PTPRC: variants seen among roughly 807,000 people sequenced by gnomAD.
PTPRC encodes the protein receptor-type tyrosine-protein phosphatase C.
PTPRC carries 44 observed loss-of-function variants against 155.9 expected under a neutral mutation model. The ratio of observed to expected loss-of-function variants is 0.28; its 90% confidence interval spans 0.22 to 0.36. The LOEUF is 0.36. Among genes scored for constraint, PTPRC ranks in the 10% least tolerant of loss-of-function variants. PTPRC has a pLI of 1.00. For missense variants in PTPRC, 1,401 were observed against 1,564.6 expected (o/e 0.90, Z 1.76); for synonymous variants, 525 against 533.1 (o/e 0.98, Z 0.21).
chr1:198,717,133 C>T (rs2102441257), intron 13 of PTPRC, among the ~76,000 whole-genome samples: 1 of 152,324 alleles, frequency 6.6e-6, no homozygotes, highest in Non-Finnish European at 1.5e-5. Context: ...TAGATTAAAA[C>T]ATTCACTGTT....
chr1:198,642,370 G>GTCTATCTATCTATCTA (rs369299301), intron 2 of PTPRC, among the ~76,000 whole-genome samples: 23,664 of 150,270 alleles, frequency 0.16, 2,067 homozygotes, highest in Middle Eastern at 0.21. Flanking sequence ...CTATCTATCT[G>GTCTATCTATCTATCTA]TCTATCTATC....
chr1:198,742,534 A>G (rs1435728031), intron 25 of PTPRC, among the ~76,000 whole-genome samples, 167 bp downstream of exon 25: 1 of 151,872 alleles, frequency 6.6e-6, no homozygotes. Context: ...ACTTAGAAGC[A>G]TTTTTCATTA....
At chr1:198,643,504 G>A (rs952310144) in intron 2 of PTPRC, among the ~76,000 whole-genome samples, 5 of 151,784 alleles carry the variant, frequency 3.3e-5, no homozygotes, top group East Asian at 1.9e-4. Context: ...AGTTGATTTT[G>A]GATCTAGATG....
At chr1:198,697,946 C>T (rs1235766146) in intron 4 of PTPRC, among the ~76,000 whole-genome samples, 1 of 152,132 alleles carries the variant, frequency 6.6e-6, no homozygotes, top group Non-Finnish European at 1.5e-5. Context: ...TCCCTGTCAC[C>T]ATAGCAGAGT....
chr1:198,659,119 A>T (rs886560831), intron 2 of PTPRC, among the ~76,000 whole-genome samples: 2 of 152,122 alleles, frequency 1.3e-5, no homozygotes, highest in Non-Finnish European at 2.9e-5. Context: ...AAGAGAATAT[A>T]CTTTTTTTAA....
At chr1:198,694,406 A>G (rs1666094655) in intron 3 of PTPRC, 10 of 1,114,860 alleles carry the variant, frequency 9.0e-6, no homozygotes, top group Non-Finnish European at 8.0e-6. Flanking sequence ...TCACAGGCAC[A>G]CCCAGGAACA....
At position 198,639,142 on chromosome 1, in the gene PTPRC, G is replaced by A; in HGVS notation, c.-44+5G>A. ...CTGATAAGACAACAGTGGAGAGTATGCATTTATTTATTTACTTTTACATTT... is the reference window on the plus strand; with the variant it reads ...CTGATAAGACAACAGTGGAGAGTATACATTTATTTATTTACTTTTACATTT... On this transcript the variant is annotated splice_donor_5th_base_variant and intron_variant, in intron 1 of 32. Coordinates refer to ENST00000442510, the MANE Select transcript of PTPRC (RefSeq NM_002838.5). 1 of 783,132 alleles carries A rather than the reference G, an allele frequency of 1.3e-6. No homozygotes were observed. Among genetic ancestry groups the A allele is most frequent in the South Asian group, 1.4e-5 (1 of 71,880 alleles). The allele number at this position is 783,132 out of a possible 1,614,324, so 48.5% of individuals were successfully genotyped here.
chr1:198,699,490 C>A, intron 4 of PTPRC, 74 bp from the exon 5 acceptor site: 1 of 1,564,858 alleles, frequency 6.4e-7, no homozygotes, highest in Non-Finnish European at 8.8e-7. Flanking sequence ...CAATTTGCTC[C>A]TTATAACCTC....
At chr1:198,735,014 T>G in intron 22 of PTPRC, 113 bp from the exon 23 acceptor site, 1 of 942,218 alleles carries the variant, frequency 1.1e-6, no homozygotes, top group Non-Finnish European at 1.6e-6. Flanking sequence ...ACTATACAAC[T>G]GTTTTGAGAA....
chr1:198,642,349 T>C (rs922064676), intron 2 of PTPRC, among the ~76,000 whole-genome samples: 1 of 145,240 alleles, frequency 6.9e-6, no homozygotes, highest in Non-Finnish European at 1.5e-5. Context: ...GGGTTATATA[T>C]ACTAGTCAAT....
chr1:198,716,870 A>G, intron 13 of PTPRC, 30 bp downstream of exon 13: 1 of 1,607,398 alleles, frequency 6.2e-7, no homozygotes, highest in Non-Finnish European at 8.5e-7. Context: ...GCTTCTTTCC[A>G]TAAATGGTAA....
At chr1:198,639,651 A>G (rs962940315) in intron 2 of PTPRC, among the ~76,000 whole-genome samples, 4 of 152,114 alleles carry the variant, frequency 2.6e-5, no homozygotes, top group Non-Finnish European at 1.5e-5. Context: ...TTCCAAAGTG[A>G]CAATAACACA....
intron 2 of PTPRC, among the ~76,000 whole-genome samples, chr1:198,651,431 A>T (rs1034148452): frequency 6.6e-6 from 1 of 151,710 alleles, no homozygotes; most frequent in Admixed American, 6.6e-5. Context: ...GTAGAATCTA[A>T]TATCGTGAAA....
rs774149597 is a variant in PTPRC, at chr1:198,756,221, C to CTGT, written c.*42_*44dup. 12 of 1,609,170 alleles carry CTGT rather than the reference C, an allele frequency of 7.5e-6. No homozygotes were observed. The East Asian group carries it at 1.6e-4, about 21-fold the overall frequency. On this transcript the variant is annotated 3_prime_UTR_variant, in exon 33 of 33. Coordinates refer to ENST00000442510, the MANE Select transcript of PTPRC (RefSeq NM_002838.5). ...GAGGAAACTCCAAACCTCCTGTTAG[C>CTGT]TGTTATTTCTATTTTTGTAGAAGTA... is the stretch of plus-strand genomic sequence containing the variant.
chr1:198,721,697 C>T (rs1356009388), intron 14 of PTPRC, among the ~76,000 whole-genome samples: 1 of 151,836 alleles, frequency 6.6e-6, no homozygotes, highest in Non-Finnish European at 1.5e-5. Flanking sequence ...ATTTTTACAG[C>T]TCTATGTGTG....
chr1:198,661,848 CTTCT>C (rs1557976412), intron 2 of PTPRC, among the ~76,000 whole-genome samples: 2 of 152,140 alleles, frequency 1.3e-5, no homozygotes. Context: ...ACAAAATAGA[CTTCT>C]TTAAGTTTTC....
intron 2 of PTPRC, among the ~76,000 whole-genome samples, chr1:198,640,911 T>C (rs1662543972): frequency 6.6e-6 from 1 of 152,036 alleles, no homozygotes; most frequent in African/African-American, 2.4e-5. Flanking sequence ...GTGTGAAATA[T>C]TTCCTTTGTG....
chr1:198,696,218 C>G (rs1666197448), intron 3 of PTPRC, among the ~76,000 whole-genome samples: 1 of 148,710 alleles, frequency 6.7e-6, no homozygotes, highest in Admixed American at 6.7e-5. Context: ...ATATATATAT[C>G]CATGAGTAAA....
At chr1:198,641,929 T>G (rs1662607878) in intron 2 of PTPRC, among the ~76,000 whole-genome samples, 1 of 152,072 alleles carries the variant, frequency 6.6e-6, no homozygotes, top group Admixed American at 6.6e-5. Context: ...TCACAGACAT[T>G]CAATGAAAAT....
Sources: gnomAD v4.1 joint callset for allele counts (sites outside exome capture counted in the v4.1 genomes callset) on GRCh38, gnomAD v4.1.1 for gene constraint, MANE v1.5 for transcripts, NCBI Gene and HGNC (gene_info 2026-07-23, HGNC 2026-07-21) for gene names.